STX6: variants seen among roughly 807,000 people sequenced by gnomAD.
STX6 encodes the protein syntaxin 6.
In STX6, 23 loss-of-function variants were observed where a neutral mutation model predicts 38.0. The observed-to-expected ratio is 0.60, with a 90% CI of 0.43 to 0.86. The LOEUF (loss-of-function observed/expected upper bound fraction) is 0.86. STX6 is among the 40% of genes least tolerant of loss of function. The probability of loss-of-function intolerance (pLI) is 0.00; values close to 1 mark genes in which losing one functional copy is unlikely to be tolerated. For synonymous variants in STX6, 123 were observed against 107.5 expected, an observed-to-expected ratio of 1.14 and a Z score of -0.89; for missense variants, 274 against 312.9, an observed-to-expected ratio of 0.88 and a Z score of 0.94.
intron 3 of STX6, among the ~76,000 whole-genome samples, chr1:180,997,393 CT>C (rs1161923624): frequency 6.6e-6 from 1 of 152,164 alleles, no homozygotes; most frequent in Non-Finnish European, 1.5e-5. Flanking sequence ...TATTAGAAAA[CT>C]TTGAAGTATG....
intron 4 of STX6, among the ~76,000 whole-genome samples, chr1:180,993,060 TAC>T (rs1468422389): frequency 6.6e-6 from 1 of 152,136 alleles, no homozygotes; most frequent in Non-Finnish European, 1.5e-5. Context: ...GTTCAATAGG[TAC>T]AGAATAAACA....
rs1656191873 is a variant in STX6 at position 181,005,283 on chromosome 1, G to A, written c.205+11C>T. 2 of 1,610,706 alleles carry A rather than the reference G, an allele frequency of 1.2e-6. No homozygotes were observed. Among genetic ancestry groups the A allele is most frequent in the East Asian group, 4.5e-5 (2 of 44,790 alleles). Reference sequence around the variant, plus strand: ...TATCCCGAATGGCACAGACACCACAGAAAAGGATATTGATGGTTTCATCAA... The same window carrying A: ...TATCCCGAATGGCACAGACACCACAAAAAAGGATATTGATGGTTTCATCAA... On this transcript the variant is annotated intron_variant, in intron 2 of 7. Coordinates refer to ENST00000258301, the MANE Select transcript of STX6 (RefSeq NM_005819.6).
intron 7 of STX6, among the ~76,000 whole-genome samples, chr1:180,983,125 T>C (rs1009188816): frequency 6.6e-5 from 10 of 152,370 alleles, no homozygotes; most frequent in African/African-American, 1.9e-4. Context: ...ATCCTCACAA[T>C]TACCTGGAGA....
Position 180,996,938 on chromosome 1 carries a change from A to G in STX6, c.301-3513T>C, listed in dbSNP as rs145861355. 3.5e-3 allele frequency among the ~76,000 whole-genome samples: 538 copies of G among 152,302 alleles called. 5 individuals carry two copies. Among genetic ancestry groups the G allele is most frequent in the African/African-American group, 0.012 (519 of 41,560 alleles). On this transcript the variant is annotated intron_variant, in intron 3 of 7. Transcript: ENST00000258301. ...AAACAATTATGTAAGTTATGCTCACAAAGATGGTCACTGAAGCATGGTTTG... is the reference window on the plus strand; with the variant it reads ...AAACAATTATGTAAGTTATGCTCACGAAGATGGTCACTGAAGCATGGTTTG...
rs780268370 is a variant in STX6 at position 180,993,348 on chromosome 1, C to T, written c.363+15G>A. ...GCTTTCTGTCATTGATAATTATATT[C>T]TGATGTTTTCTCACCTGTCTATTTT... On this transcript the variant is annotated intron_variant, in intron 4 of 7. Transcript: ENST00000258301. The T allele has an allele frequency of 2.8e-6, 4 of 1,433,072 alleles. No individual in the cohort carries two copies. In the South Asian group the frequency reaches 3.5e-5, roughly 12 times the overall value. The allele number at this position is 1,433,072 out of a possible 1,614,324, so 88.8% of individuals were successfully genotyped here. A position where few individuals can be genotyped will look rare whatever the true frequency, so the allele number is the denominator to read the frequency against.
chr1:180,991,979 A>G (rs1655769079), intron 4 of STX6, among the ~76,000 whole-genome samples: 1 of 148,530 alleles, frequency 6.7e-6, no homozygotes, highest in Non-Finnish European at 1.5e-5. Context: ...TATAAATTTT[A>G]TTTACGTTAG....
intron 6 of STX6, chr1:180,987,863 G>GA (rs1655634310): frequency 1.3e-5 from 2 of 154,362 alleles, no homozygotes; most frequent in Non-Finnish European, 2.9e-5. Context: ...GTTCAATATA[G>GA]CAGGAGAGTC....
intron 4 of STX6, 134 bp from the exon 5 acceptor site, chr1:180,990,243 G>A: frequency 2.6e-6 from 3 of 1,138,778 alleles, no homozygotes; most frequent in Admixed American, 2.5e-5. Context: ...CTTTTATGTA[G>A]TGGTGTAGGT....
chr1:181,018,478 TATATATA>T (rs1156880309), intron 1 of STX6, among the ~76,000 whole-genome samples: 2 of 148,000 alleles, frequency 1.4e-5, no homozygotes, highest in Non-Finnish European at 3.0e-5. Flanking sequence ...GACCATATTA[TATATATA>T]ATATATATTT....
chr1:180,999,661 G>GAAA (rs35223208), intron 3 of STX6, among the ~76,000 whole-genome samples: 130 of 149,406 alleles, frequency 8.7e-4, no homozygotes, highest in Admixed American at 3.3e-3. Context: ...AGCAAATAAA[G>GAAA]AAAAAAAAAA....
At chr1:180,992,650 CAAAA>C (rs976668664) in intron 4 of STX6, among the ~76,000 whole-genome samples, 2 of 151,982 alleles carry the variant, frequency 1.3e-5, no homozygotes, top group Non-Finnish European at 2.9e-5. Context: ...TCTATCCCAC[CAAAA>C]AAAGTCTAAA....
chr1:181,011,963 T>C (rs762128845), intron 1 of STX6, among the ~76,000 whole-genome samples: 26 of 152,382 alleles, frequency 1.7e-4, no homozygotes, highest in South Asian at 8.3e-4. Flanking sequence ...CAATCACAGA[T>C]AGTGCTTCTT....
At chr1:181,004,423 C>T (rs891640786) in intron 2 of STX6, among the ~76,000 whole-genome samples, 1 of 152,230 alleles carries the variant, frequency 6.6e-6, no homozygotes, top group Non-Finnish European at 1.5e-5. Context: ...CCCTGCTTAA[C>T]CCCACCCCAG....
chr1:181,015,889 G>T (rs1656541744), intron 1 of STX6, among the ~76,000 whole-genome samples: 1 of 152,172 alleles, frequency 6.6e-6, no homozygotes, highest in Non-Finnish European at 1.5e-5. Context: ...TCGAATTCCT[G>T]ACCTCATGAT....
intron 6 of STX6, chr1:180,987,849 G>A (rs6425658): frequency 0.56 from 85,248 of 152,318 alleles, 24,196 homozygotes; most frequent in East Asian, 0.63. Flanking sequence ...AGCAAAACGT[G>A]TCTGTTCAAT....
At chr1:181,002,752 T>G in intron 2 of STX6, 52 bp from the exon 3 acceptor site, 1 of 1,206,124 alleles carries the variant, frequency 8.3e-7, no homozygotes, top group Non-Finnish European at 1.2e-6. Flanking sequence ...CCTGACAACA[T>G]CCTGTTAACT....
intron 7 of STX6, among the ~76,000 whole-genome samples, chr1:180,977,906 C>T (rs1655299047): frequency 6.6e-6 from 1 of 152,154 alleles, no homozygotes; most frequent in Admixed American, 6.5e-5. Context: ...AAAGCAAGTA[C>T]CTTCTAAGTG....
At chr1:181,014,312 T>G (rs1656493874) in intron 1 of STX6, among the ~76,000 whole-genome samples, 2 of 151,478 alleles carry the variant, frequency 1.3e-5, no homozygotes, top group African/African-American at 4.9e-5. Context: ...AAGAATCGCT[T>G]GAACCCAGGA....
chr1:180,976,439 C>T lies in STX6; in HGVS notation c.*131G>A, dbSNP rs755429806. The T allele has an allele frequency of 3.9e-5, 31 of 804,282 alleles. No homozygotes were observed. The highest frequency in any genetic ancestry group is 7.7e-5 in the Admixed American group (4 of 51,616). 49.8% of individuals were successfully genotyped at this position (804,282 alleles called of 1,614,324 possible). A position where few individuals can be genotyped will look rare whatever the true frequency, so the allele number is the denominator to read the frequency against. On this transcript the variant is annotated 3_prime_UTR_variant, in exon 8 of 8. Coordinates refer to ENST00000258301, the MANE Select transcript of STX6 (RefSeq NM_005819.6). Reference sequence around the variant, plus strand: ...GAGCCATGTCAATTGTGGGGTCACACGGAGAAAAGTCAGTGCAGCAGTATG... The same window carrying T: ...GAGCCATGTCAATTGTGGGGTCACATGGAGAAAAGTCAGTGCAGCAGTATG...
Sources: gnomAD v4.1 joint callset for allele counts (sites outside exome capture counted in the v4.1 genomes callset) on GRCh38, gnomAD v4.1.1 for gene constraint, MANE v1.5 for transcripts, NCBI Gene and HGNC (gene_info 2026-07-23, HGNC 2026-07-21) for gene names.